The following MYO1F variants were observed in gnomAD, a reference collection of about 807,000 sequenced individuals.
MYO1F encodes myosin IF.
Under a neutral mutation model 146.6 loss-of-function variants are expected in MYO1F, and 60 were observed. That is an observed-to-expected ratio of 0.41 (90% confidence interval 0.33 to 0.51). The LOEUF is 0.51. Among genes scored for constraint, MYO1F ranks in the 20% least tolerant of loss-of-function variants. The pLI, the probability that MYO1F is intolerant of heterozygous loss-of-function variation, is 0.25. For synonymous variants in MYO1F, 602 were observed against 602.1 expected (o/e 1.00, Z 0.00); for missense variants, 1,274 against 1,534.3 (o/e 0.83, Z 2.83).
intron 15 of MYO1F, among the ~76,000 whole-genome samples, chr19:8,540,679 C>T (rs550401980): frequency 1.3e-5 from 2 of 149,376 alleles, no homozygotes; most frequent in African/African-American, 4.9e-5. Context: ...CACTGCACTC[C>T]AGCCTGGGCG....
rs144467959 is a variant in MYO1F, at chr19:8,522,168, G to A, written c.3220+209C>T. Among the ~76,000 whole-genome samples, 3,307 of 151,998 alleles carry A rather than the reference G, an allele frequency of 0.022. 139 individuals carry two copies. Among genetic ancestry groups the A allele is most frequent in the African/African-American group, 0.076 (3,156 of 41,428 alleles). ...CTCCCGAGTAGCTGGGACTACAGGCGCCCGCCACCACGCCCGGCTAATTTT... is the reference window on the plus strand; with the variant it reads ...CTCCCGAGTAGCTGGGACTACAGGCACCCGCCACCACGCCCGGCTAATTTT... On this transcript the variant is annotated intron_variant, in intron 27 of 27. Transcript: ENST00000644032.
chr19:8,536,531 G>C lies in MYO1F; in HGVS notation c.1866C>G (p.Ala622=), dbSNP rs1186186224. The change falls in exon 18 of 28, where the codon GCC becomes GCG. Residue 622 remains alanine, a synonymous_variant. Transcript: ENST00000644032. Reference sequence around the variant, plus strand: ...GGAATTTGGCGAACTGGCGGCGGTAGGCGAAGCCGGCTCTGCGCACCCTGA... The same window carrying C: ...GGAATTTGGCGAACTGGCGGCGGTACGCGAAGCCGGCTCTGCGCACCCTGA... The part of the protein sequence containing the change: ...ENIRVRRAGF[A]YRRQFAKFLQ... 6.2e-7 allele frequency: 1 copy of C among 1,613,096 alleles called. No individual in the cohort carries two copies. Among genetic ancestry groups the C allele is most frequent in the Non-Finnish European group, 8.5e-7 (1 of 1,179,836 alleles).
chr19:8,533,964 C>T (rs148781274), intron 19 of MYO1F, among the ~76,000 whole-genome samples: 6,648 of 152,050 alleles, frequency 0.044, 493 homozygotes, highest in African/African-American at 0.15. Context: ...GTGGGCAGAT[C>T]ACTTGAGGTC....
intron 21 of MYO1F, among the ~76,000 whole-genome samples, chr19:8,529,072 A>AT (rs1476665513): frequency 4.6e-5 from 7 of 152,114 alleles, no homozygotes; most frequent in Non-Finnish European, 1.0e-4. Context: ...AAGGTACCCA[A>AT]TAATGTGTGT....
intron 22 of MYO1F, 121 bp from the exon 23 acceptor site, chr19:8,527,056 T>A: frequency 7.4e-7 from 1 of 1,345,042 alleles, no homozygotes. Flanking sequence ...AAGTCAGCGG[T>A]GACCAGGTAG....
intron 1 of MYO1F, among the ~76,000 whole-genome samples, chr19:8,566,857 A>G (rs1568374059): frequency 6.6e-6 from 1 of 151,726 alleles, no homozygotes; most frequent in Non-Finnish European, 1.5e-5. Flanking sequence ...ATGTTTACAA[A>G]CAGAGATAGA....
chr19:8,525,401 T>A (rs1286822132), intron 25 of MYO1F, 78 bp downstream of exon 25: 1 of 1,233,310 alleles, frequency 8.1e-7, no homozygotes, highest in Non-Finnish European at 1.2e-6. Context: ...TTTGTTAGAT[T>A]TCGTTTGCTG....
chr19:8,522,265 G>A (rs1205621799), intron 27 of MYO1F, 112 bp downstream of exon 27: 40 of 1,336,894 alleles, frequency 3.0e-5, no homozygotes, highest in South Asian at 4.8e-5. Flanking sequence ...CTCGTGATCT[G>A]CCCGCCTTGG....
chr19:8,522,314 G>A (rs889275389), intron 27 of MYO1F, 63 bp downstream of exon 27: 41 of 1,605,330 alleles, frequency 2.6e-5, no homozygotes, highest in Non-Finnish European at 3.2e-5. Context: ...GAGCCACCGC[G>A]CCCGGCCGAT....
intron 1 of MYO1F, among the ~76,000 whole-genome samples, chr19:8,556,675 G>C (rs1197608496): frequency 6.6e-6 from 1 of 151,620 alleles, no homozygotes. Context: ...ATCACCTGAG[G>C]ACGAGAGTTC....
rs1489523543 is a variant in MYO1F, at chr19:8,527,469, G to A, written c.2343C>T (p.Asp781=). ...ACACACACTTGGGCGTCAGGATCAA[G>A]TCCCGCTTGATGGGCTGTGGGGATG... The part of the protein sequence containing the change: ...YDRRFKPIKR[D]LILTPKCVYV... Residue 781 remains aspartate, a synonymous_variant, in exon 22 of 28, where the codon GAC becomes GAT. Transcript: ENST00000644032. 1.9e-6 allele frequency: 3 copies of A among 1,613,932 alleles called. No homozygotes were observed. In the African/African-American group the frequency reaches 4.0e-5, roughly 22 times the overall value.
intron 1 of MYO1F, among the ~76,000 whole-genome samples, chr19:8,564,861 C>T (rs1372694631): frequency 6.6e-6 from 1 of 151,986 alleles, no homozygotes; most frequent in Non-Finnish European, 1.5e-5. Flanking sequence ...CAACCTCCGC[C>T]TCCCGGGTTC....
Position 8,530,266 on chromosome 19 carries a change from C to G in MYO1F, c.2258G>C (p.Arg753Pro). The G allele has an allele frequency of 6.2e-7, 1 of 1,614,150 alleles. No individual in the cohort carries two copies. Among genetic ancestry groups the G allele is most frequent in the Non-Finnish European group, 8.5e-7 (1 of 1,180,028 alleles). The change falls in exon 21 of 28, where the codon CGT becomes CCT. Residue 753 changes from arginine (R) to proline (P), a missense_variant. Transcript: ENST00000644032. This position sits in a 1 kb window ranked among gnomAD's most constrained non-coding sequence, Gnocchi z 5.8. Reference sequence around the variant, plus strand: ...CCGCTCCCTCTTGCCCAGGAACTGACGCAGCTCGGGCCGCTCCTCCAGCCC... The same window carrying G: ...CCGCTCCCTCTTGCCCAGGAACTGAGGCAGCTCGGGCCGCTCCTCCAGCCC... ...YLGLEERPEL[R>P]QFLGKRERVD... is the part of the protein sequence containing the mutation.
chr19:8,522,653 G>A lies in MYO1F; in HGVS notation c.3031C>T (p.Pro1011Ser). 6.2e-7 allele frequency: 1 copy of A among 1,613,902 alleles called. No homozygotes were observed. Among genetic ancestry groups the A allele is most frequent in the Non-Finnish European group, 8.5e-7 (1 of 1,179,962 alleles). Residue 1011 changes from proline to serine, a missense_variant, in exon 26 of 28, where the codon CCT becomes TCT. Physicochemically the swap from Pro to Ser is moderately conservative, Grantham distance 74 (BLOSUM62 -1). Transcript: ENST00000644032. Reference sequence around the variant, plus strand: ...ACCTACCCGGCCATGCCCTGGTCAGGCACGTTGAGGAATTCTGTGTTGTGC... The same window carrying A: ...ACCTACCCGGCCATGCCCTGGTCAGACACGTTGAGGAATTCTGTGTTGTGC... ...SEHNTEFLNV[P>S]DQGMAGMQRK...
chr19:8,526,669 T>TGGGGCAGGGGC, intron 23 of MYO1F, 68 bp from the exon 24 acceptor site: 1 of 1,553,838 alleles, frequency 6.4e-7, no homozygotes, highest in Non-Finnish European at 8.7e-7. Context: ...TCTCGCTGGT[T>TGGGGCAGGGGC]GGGGCAGGGG....
At position 8,540,032 on chromosome 19, in the gene MYO1F, G is replaced by C. The variant is rs774928281; in HGVS notation, c.1611-4C>G. On this transcript the variant is annotated splice_polypyrimidine_tract_variant and splice_region_variant and intron_variant, in intron 15 of 27. Coordinates refer to ENST00000644032, the MANE Select transcript of MYO1F (RefSeq NM_012335.4). ...GAAGAGCATCCGGAGGAAGGCCCTG[G>C]GTAGGAAAGGGGAGAGGAGGAGTTG... The C allele has an allele frequency of 6.2e-7, 1 of 1,608,834 alleles. No homozygotes were observed. Among genetic ancestry groups the C allele is most frequent in the Non-Finnish European group, 8.5e-7 (1 of 1,176,536 alleles).
At chr19:8,561,598 TTC>T (rs200081850) in intron 1 of MYO1F, among the ~76,000 whole-genome samples, 18,340 of 138,354 alleles carry the variant, frequency 0.13, 2,422 homozygotes, top group East Asian at 0.74. Context: ...CCTCCCTCTC[TTC>T]TCTTTTTTCT....
intron 1 of MYO1F, among the ~76,000 whole-genome samples, chr19:8,563,471 G>A (rs2041944245): frequency 6.7e-6 from 1 of 150,122 alleles, no homozygotes; most frequent in Non-Finnish European, 1.5e-5. Context: ...CTAACGTTTT[G>A]TAATTTTAGT....
chr19:8,525,697 A>G (rs1599910290), intron 24 of MYO1F, 135 bp from the exon 25 acceptor site: 2 of 771,670 alleles, frequency 2.6e-6, no homozygotes, highest in East Asian at 5.3e-5. Context: ...CCTTAGGTAC[A>G]GTTACACTGG....
Sources: allele counts gnomAD v4.1 joint callset (sites outside exome capture counted in the v4.1 genomes callset), GRCh38; gene constraint gnomAD v4.1.1; non-coding constraint Gnocchi (gnomAD v3.1); transcripts MANE v1.5; gene names NCBI Gene and HGNC (gene_info 2026-07-23, HGNC 2026-07-21).